Variants in PRDM11 observed in about 807,000 individuals in gnomAD.
The protein encoded by PRDM11 is PR/SET domain 11, also known as PR domain-containing protein 11.
Under a neutral mutation model 97.8 loss-of-function variants are expected in PRDM11, and 20 were observed. That is an observed-to-expected ratio of 0.20 (90% CI 0.14 to 0.30). The LOEUF (loss-of-function observed/expected upper bound fraction) is 0.30. Among genes scored for constraint, PRDM11 ranks in the 10% least tolerant of loss-of-function variants. PRDM11 has a pLI of 1.00. For missense variants in PRDM11, 1,139 were observed against 1,555.2 expected (o/e 0.73, Z 4.50); for synonymous variants, 599 against 637.7 (o/e 0.94, Z 0.91).
intron 1 of PRDM11, among the ~76,000 whole-genome samples, chr11:45,178,217 A>G (rs1852376325): frequency 6.7e-6 from 1 of 150,118 alleles, no homozygotes; most frequent in African/African-American, 2.5e-5. Flanking sequence ...CTCCCTCCAA[A>G]CCCCTTCCGC....
intron 1 of PRDM11, among the ~76,000 whole-genome samples, chr11:45,124,182 TG>T (rs1852511648): frequency 1.3e-5 from 2 of 151,816 alleles, no homozygotes; most frequent in Non-Finnish European, 2.9e-5. Context: ...TTGTGATTTT[TG>T]TACATTGATT....
chr11:45,217,236 G>A (rs1208374160), intron 5 of PRDM11, among the ~76,000 whole-genome samples: 1 of 152,198 alleles, frequency 6.6e-6, no homozygotes, highest in Non-Finnish European at 1.5e-5. Flanking sequence ...CACAGTTGTA[G>A]AATTGAGATT....
intron 3 of PRDM11, 70 bp from the exon 4 acceptor site, chr11:45,182,791 C>CTACCACCCCCATGGGGGTCT: frequency 6.7e-7 from 1 of 1,486,754 alleles, no homozygotes; most frequent in Non-Finnish European, 9.0e-7. Flanking sequence ...GTCAGCCCCT[C>CTACCACCCCCATGGGGGTCT]TACCTCCCCC....
At position 45,227,540 on chromosome 11, in the gene PRDM11, C is replaced by T; in HGVS notation, c.2915C>T (p.Ala972Val). 6.5e-7 allele frequency: 1 copy of T among 1,533,932 alleles called. No homozygotes were observed. Among genetic ancestry groups the T allele is most frequent in the South Asian group, 1.2e-5 (1 of 83,970 alleles). Residue 972 changes from alanine to valine, a missense_variant, in exon 8 of 8, where the codon GCT (alanine) becomes GTT (valine). By Grantham distance (64) the Ala-to-Val change is moderately conservative. Around this residue, in one of 2 missense-constraint regions of PRDM11, gnomAD observed 710 missense variants for 1,044.9 expected, o/e 0.68. Transcript: ENST00000683152. This position sits in a 1 kb window ranked among gnomAD's most constrained non-coding sequence, Gnocchi z 8.0. ...KICQKTQVIL[A>V]QRFDSRSRIF... ...TGCCAGAAGACCCAGGTCATCCTGGCTCAGAGGTTCGACTCCCGCAGCCGG... is the reference window on the plus strand; with the variant it reads ...TGCCAGAAGACCCAGGTCATCCTGGTTCAGAGGTTCGACTCCCGCAGCCGG...
chr11:45,149,987 C>T (rs979384892), intron 1 of PRDM11, among the ~76,000 whole-genome samples: 3 of 152,330 alleles, frequency 2.0e-5, no homozygotes, highest in Admixed American at 6.5e-5. Context: ...ATCTTTTCGA[C>T]ATGCATATCT....
intron 1 of PRDM11, among the ~76,000 whole-genome samples, chr11:45,100,880 G>A (rs1010189751): frequency 6.6e-6 from 1 of 152,214 alleles, no homozygotes; most frequent in African/African-American, 2.4e-5. Context: ...ACTTCTCAGA[G>A]AAGAAACTTA....
chr11:45,101,569 AG>A (rs1481873125), intron 1 of PRDM11, among the ~76,000 whole-genome samples: 10,621 of 117,654 alleles, frequency 0.09, 1,039 homozygotes, highest in Admixed American at 0.13. Context: ...AAAAAAAAAA[AG>A]AAGAAGAAGA....
At position 45,227,387 on chromosome 11, in the gene PRDM11, G is replaced by A. The variant is rs375949314; in HGVS notation, c.2762G>A (p.Arg921Gln). The A allele has an allele frequency of 1.3e-4, 194 of 1,533,928 alleles. No homozygotes were observed. In the East Asian group the frequency reaches 3.5e-3, roughly 27 times the overall value. The change falls in exon 8 of 8, where the codon CGG (arginine) becomes CAG (glutamine). Residue 921 changes from arginine to glutamine, a missense_variant. By Grantham distance (43) the Arg-to-Gln change is conservative. Around this residue, in one of 2 missense-constraint regions of PRDM11, gnomAD observed 710 missense variants for 1,044.9 expected, o/e 0.68. Coordinates refer to ENST00000683152, the MANE Select transcript of PRDM11 (RefSeq NM_001384648.1). This position sits in a 1 kb window ranked among gnomAD's most constrained non-coding sequence, Gnocchi z 8.0. ...KIEEAIQEISRLADSPGEYLQ... is the reference protein window; with the variant it reads ...KIEEAIQEISQLADSPGEYLQ... The stretch of plus-strand genomic sequence containing the variant: ...GAGGAGGCCATCCAGGAGATCAGCC[G>A]GCTGGCTGACTCCCCGGGAGAATAC...
chr11:45,187,581 G>A (rs1226544017), intron 4 of PRDM11, among the ~76,000 whole-genome samples: 2 of 152,210 alleles, frequency 1.3e-5, no homozygotes, highest in African/African-American at 4.8e-5. Flanking sequence ...CAGTTCAGGA[G>A]GTGGGACTGG....
At chr11:45,131,821 T>G (rs1348686363) in intron 1 of PRDM11, among the ~76,000 whole-genome samples, 1 of 152,216 alleles carries the variant, frequency 6.6e-6, no homozygotes, top group Non-Finnish European at 1.5e-5. Context: ...GATTATTATC[T>G]CAAATAACAG....
intron 1 of PRDM11, among the ~76,000 whole-genome samples, chr11:45,151,085 C>T (rs186111999): frequency 6.6e-6 from 1 of 152,288 alleles, no homozygotes. Flanking sequence ...ATAAAGCTGT[C>T]ATGGGAGAGC....
At chr11:45,210,271 C>T (rs919859512) in intron 5 of PRDM11, among the ~76,000 whole-genome samples, 29 of 152,242 alleles carry the variant, frequency 1.9e-4, no homozygotes, top group African/African-American at 6.8e-4. Context: ...CCGCTCCCCA[C>T]CCCTCTTCTC....
intron 1 of PRDM11, chr11:45,147,582 G>A (rs1851552951): frequency 6.5e-6 from 1 of 152,756 alleles, no homozygotes; most frequent in Admixed American, 6.5e-5. Context: ...AGTCCCCAAG[G>A]TACTCTCCTA....
chr11:45,186,621 T>C (rs1166217104), intron 4 of PRDM11, among the ~76,000 whole-genome samples: 1 of 152,134 alleles, frequency 6.6e-6, no homozygotes, highest in Admixed American at 6.5e-5. Flanking sequence ...AGCAGTCTCA[T>C]GGGCGGAAGC....
At chr11:45,147,057 G>T (rs1332264092) in intron 1 of PRDM11, among the ~76,000 whole-genome samples, 180 bp downstream of exon 1, 30 of 146,286 alleles carry the variant, frequency 2.1e-4, no homozygotes, top group African/African-American at 7.4e-4. Context: ...GGCGCGGGGT[G>T]GGGGGCGGCC....
intron 1 of PRDM11, among the ~76,000 whole-genome samples, chr11:45,122,902 C>T (rs1852471342): frequency 1.3e-5 from 2 of 152,086 alleles, no homozygotes; most frequent in African/African-American, 2.4e-5. Context: ...TTCTAGATCC[C>T]TGAGGAATCG....
upstream of PRDM11, among the ~76,000 whole-genome samples, chr11:45,145,961 T>G (rs1347442472): frequency 6.6e-6 from 1 of 152,186 alleles, no homozygotes; most frequent in Non-Finnish European, 1.5e-5. Flanking sequence ...GAATGCCGCT[T>G]AAACATCTTT....
chr11:45,190,808 T>A (rs1852886342), intron 4 of PRDM11, among the ~76,000 whole-genome samples: 1 of 152,178 alleles, frequency 6.6e-6, no homozygotes, highest in Non-Finnish European at 1.5e-5. Flanking sequence ...ATAAAAATAA[T>A]TTTTTAGTCA....
At chr11:45,201,362 A>G (rs1394879187) in intron 4 of PRDM11, among the ~76,000 whole-genome samples, 1 of 152,230 alleles carries the variant, frequency 6.6e-6, no homozygotes, top group Non-Finnish European at 1.5e-5. Flanking sequence ...CTCAGTCAAC[A>G]TAAGCTGGCT....
Sources: allele counts gnomAD v4.1 joint callset (sites outside exome capture counted in the v4.1 genomes callset), GRCh38; gene constraint gnomAD v4.1.1; regional missense constraint gnomAD v4.1.1; non-coding constraint Gnocchi (gnomAD v3.1); transcripts MANE v1.5; gene names NCBI Gene and HGNC (gene_info 2026-07-23, HGNC 2026-07-21).